ENTREP3: variants seen among roughly 807,000 people sequenced by gnomAD.
ENTREP3 encodes the protein protein ENTREP3.
At chr1:155,254,950 C>T in the ENTREP3 span, 2 of 1,237,784 alleles carry the variant, frequency 1.6e-6, no homozygotes, top group Non-Finnish European at 2.3e-6. The surrounding 1 kb of genome is among the most constrained non-coding windows in gnomAD (Gnocchi z 4.4). Context: ...GCGCCCAAGG[C>T]CCCGTCCTTT....
chr1:155,252,722 A>C, the ENTREP3 span: 1 of 13,204 alleles, frequency 7.6e-5, no homozygotes, highest in Non-Finnish European at 1.2e-4. Context: ...ATATATATAT[A>C]TTTTTTTTTT....
At chr1:155,253,981 G>A in the ENTREP3 span, 2 of 1,612,782 alleles carry the variant, frequency 1.2e-6, no homozygotes, top group East Asian at 2.2e-5. Flanking sequence ...TTTCCTTCCT[G>A]AGTGGAGCAG....
At chr1:155,251,546 G>A in the ENTREP3 span, 3 of 1,614,006 alleles carry the variant, frequency 1.9e-6, no homozygotes, top group Non-Finnish European at 2.5e-6. Flanking sequence ...TAAGAAGGGG[G>A]GCAATCGGTA....
chr1:155,254,475 C>A, the ENTREP3 span: 9 of 1,614,068 alleles, frequency 5.6e-6, no homozygotes, highest in Non-Finnish European at 7.6e-6. The surrounding 1 kb of genome is among the most constrained non-coding windows in gnomAD (Gnocchi z 4.4). Context: ...AGAGTGGGCA[C>A]AGGCTCAGCC....
the ENTREP3 span, chr1:155,247,660 CTT>C: frequency 1.0e-6 from 1 of 963,998 alleles, no homozygotes; most frequent in African/African-American, 1.6e-5. Context: ...GAAAGGGACA[CTT>C]TGGGGGGTAT....
the ENTREP3 span, chr1:155,248,039 C>T: frequency 9.3e-5 from 150 of 1,614,168 alleles, no homozygotes; most frequent in East Asian, 1.7e-3. Flanking sequence ...CCTGGCTCCC[C>T]GAATTCCTAC....
chr1:155,248,529 G>A, the ENTREP3 span: 2 of 1,496,434 alleles, frequency 1.3e-6, no homozygotes, highest in Non-Finnish European at 1.9e-6. Flanking sequence ...CTGTGGACAC[G>A]CCCACCCTCC....
chr1:155,252,702 ATATATATATATATATATATATTTT>A, the ENTREP3 span: 1 of 43,636 alleles, frequency 2.3e-5, no homozygotes, highest in East Asian at 9.5e-4. Context: ...ATATATATAT[ATATATATATATATATATATATTTT>A]TTTTTTTTTT....
chr1:155,247,230 G>A, the ENTREP3 span: 3 of 334,948 alleles, frequency 9.0e-6, no homozygotes. Flanking sequence ...GGGGAAAACT[G>A]AAATTTATTG....
chr1:155,254,995 C>A, the ENTREP3 span: 1 of 798,518 alleles, frequency 1.3e-6, no homozygotes, highest in Non-Finnish European at 2.0e-6. This position sits in a 1 kb window ranked among gnomAD's most constrained non-coding sequence, Gnocchi z 4.4. Flanking sequence ...GAGCCCACCC[C>A]CTGGCTGGGT....
At chr1:155,248,011 G>A in the ENTREP3 span, 6 of 1,613,694 alleles carry the variant, frequency 3.7e-6, no homozygotes, top group East Asian at 2.2e-5. Flanking sequence ...GAAGCTCCAC[G>A]CTTTCCCAAA....
At chr1:155,248,376 A>C in the ENTREP3 span, 1 of 1,613,996 alleles carries the variant, frequency 6.2e-7, no homozygotes, top group East Asian at 2.2e-5. Flanking sequence ...CCCAATCCCC[A>C]TCCCTGGGGC....
chr1:155,251,577 G>A, the ENTREP3 span: 1 of 1,614,028 alleles, frequency 6.2e-7, no homozygotes, highest in Non-Finnish European at 8.5e-7. Flanking sequence ...GCACTGGGCT[G>A]TCCATGGAGC....
chr1:155,254,186 G>C, the ENTREP3 span: 1 of 1,613,492 alleles, frequency 6.2e-7, no homozygotes. This position sits in a 1 kb window ranked among gnomAD's most constrained non-coding sequence, Gnocchi z 4.4. Context: ...GCAAGGAGAA[G>C]AAGGAGATCT....
chr1:155,250,910 AG>A, the ENTREP3 span: 2 of 1,378,818 alleles, frequency 1.5e-6, no homozygotes, highest in Non-Finnish European at 2.0e-6. This position sits in a 1 kb window ranked among gnomAD's most constrained non-coding sequence, Gnocchi z 5.4. Context: ...CCCAGCCTCT[AG>A]GGGCCACTGT....
chr1:155,251,197 T>C, the ENTREP3 span: 1 of 1,527,190 alleles, frequency 6.5e-7, no homozygotes, highest in Middle Eastern at 1.7e-4. Context: ...GGTTCAGCCC[T>C]ACACACTGAA....
At chr1:155,251,164 C>T in the ENTREP3 span, 1 of 1,603,004 alleles carries the variant, frequency 6.2e-7, no homozygotes, top group Non-Finnish European at 8.5e-7. Flanking sequence ...AAGAGAGTGG[C>T]CTGCAGAAGA....
chr1:155,250,452 C>T, the ENTREP3 span: 2 of 1,478,044 alleles, frequency 1.4e-6, no homozygotes, highest in Admixed American at 2.3e-5. This position sits in a 1 kb window ranked among gnomAD's most constrained non-coding sequence, Gnocchi z 5.4. Context: ...GCCCCCTCCC[C>T]GGGGGACCCG....
At chr1:155,251,794 C>T in the ENTREP3 span, 12 of 1,590,768 alleles carry the variant, frequency 7.5e-6, no homozygotes, top group Non-Finnish European at 8.5e-6. Context: ...GGTGGGGGCA[C>T]AGGCGGGACA....
Sources: allele counts gnomAD v4.1 joint callset, GRCh38; gene constraint gnomAD v4.1.1; non-coding constraint Gnocchi (gnomAD v3.1); transcripts MANE v1.5; gene names NCBI Gene and HGNC (gene_info 2026-07-23, HGNC 2026-07-21).